The following CLHC1 variants were observed in gnomAD, a reference collection of about 807,000 sequenced individuals.
The protein encoded by CLHC1 is clathrin heavy chain linker domain-containing protein 1.
A neutral mutation model predicts 69.5 loss-of-function variants in CLHC1; 72 were observed. The observed-to-expected ratio is 1.04, with a 90% CI of 0.86 to 1.26. The LOEUF is 1.26. Ranked by LOEUF, CLHC1 falls within the 50% of genes most tolerant of loss-of-function variation. CLHC1 has a pLI of 0.00. For synonymous variants in CLHC1, 223 were observed against 224.3 expected (o/e 0.99, Z 0.05); for missense variants, 790 against 679.3 (o/e 1.16, Z -1.81).
At chr2:55,191,073 T>G (rs536582280) in intron 9 of CLHC1, among the ~76,000 whole-genome samples, 3 of 152,194 alleles carry the variant, frequency 2.0e-5, no homozygotes, top group Non-Finnish European at 4.4e-5. Context: ...TGAAACAAAA[T>G]CCTTTAACTA....
intron 9 of CLHC1, among the ~76,000 whole-genome samples, chr2:55,205,894 C>CA (rs5831343): frequency 0.43 from 61,159 of 142,674 alleles, 12,782 homozygotes; most frequent in African/African-American, 0.53. Flanking sequence ...AACTCTGTCT[C>CA]AAAAAAAAAA....
rs373193947 is a variant in CLHC1, at chr2:55,208,715, A to C, written c.815-5T>G. The stretch of plus-strand genomic sequence containing the variant: ...CTTCAACAATGCCTTGGTCACCTGT[A>C]AATATTGAAAGTACTACTGGAAGAT... On this transcript the variant is annotated splice_polypyrimidine_tract_variant and splice_region_variant and intron_variant, in intron 7 of 12. Transcript: ENST00000401408. The C allele has an allele frequency of 6.3e-6, 10 of 1,590,286 alleles. No homozygotes were observed. In the African/African-American group the frequency reaches 1.1e-4, roughly 17 times the overall value.
chr2:55,229,329 C>T (rs1675037355), intron 1 of CLHC1, among the ~76,000 whole-genome samples: 1 of 151,988 alleles, frequency 6.6e-6, no homozygotes. Context: ...AAAGAGCTTA[C>T]TGATAAGGTG....
chr2:55,201,045 A>G (rs1167503418), intron 9 of CLHC1, among the ~76,000 whole-genome samples: 1 of 152,066 alleles, frequency 6.6e-6, no homozygotes, highest in Non-Finnish European at 1.5e-5. Context: ...TACTAAGAAA[A>G]AAGTTTATAG....
At chr2:55,188,700 C>T (rs1207661466) in intron 9 of CLHC1, among the ~76,000 whole-genome samples, 2 of 151,884 alleles carry the variant, frequency 1.3e-5, no homozygotes, top group Admixed American at 1.3e-4. Context: ...TGTCAATCCA[C>T]CGCAGAACAG....
In CLHC1 at chr2:55,177,767, G is replaced by C. The variant is rs772653130; in HGVS notation, c.1399C>G (p.Leu467Val). The change falls in exon 12 of 13, where the codon CTA (leucine) becomes GTA (valine). Residue 467 changes from leucine (L) to valine (V), a missense_variant. Coordinates refer to ENST00000401408, the MANE Select transcript of CLHC1 (RefSeq NM_152385.4). ...KDFTTDDLLQLLMSCPQVELI... is the reference protein window; with the variant it reads ...KDFTTDDLLQVLMSCPQVELI... ...TCAACTTGGGGACATGACATTAATA[G>C]CTGCAACAGGTCATCTGAAGGCAAA... 1 of 1,605,614 alleles carries C rather than the reference G, an allele frequency of 6.2e-7. No homozygotes were observed. The highest frequency in any genetic ancestry group is 1.7e-5 in the Admixed American group (1 of 58,004).
At chr2:55,176,861 A>G (rs1669434677) in intron 12 of CLHC1, among the ~76,000 whole-genome samples, 1 of 152,222 alleles carries the variant, frequency 6.6e-6, no homozygotes, top group South Asian at 2.1e-4. Flanking sequence ...AAAAGAAAAT[A>G]AAAGTGAGTT....
intron 8 of CLHC1, 92 bp from the exon 9 acceptor site, chr2:55,206,468 G>A (rs1023501301): frequency 3.9e-5 from 28 of 708,864 alleles, no homozygotes; most frequent in Admixed American, 2.3e-4. Context: ...TAAATATAGC[G>A]GCATAACGAT....
intron 9 of CLHC1, among the ~76,000 whole-genome samples, chr2:55,189,595 A>G (rs1303109591): frequency 1.3e-5 from 2 of 152,142 alleles, no homozygotes; most frequent in Non-Finnish European, 2.9e-5. Flanking sequence ...GAGTTCCTGA[A>G]TTGAGGACAC....
At chr2:55,226,605 A>G (rs894121981) in intron 2 of CLHC1, among the ~76,000 whole-genome samples, 5 of 152,092 alleles carry the variant, frequency 3.3e-5, no homozygotes, top group Admixed American at 2.0e-4. Context: ...TGTTCCATTA[A>G]TTTATTCCCC....
chr2:55,220,284 G>A (rs955233023), intron 3 of CLHC1, among the ~76,000 whole-genome samples: 1 of 152,106 alleles, frequency 6.6e-6, no homozygotes, highest in African/African-American at 2.4e-5. Context: ...TGCCCAACTA[G>A]TTCCTTTTAA....
chr2:55,186,202 C>T (rs1670397702), intron 9 of CLHC1, among the ~76,000 whole-genome samples: 1 of 152,160 alleles, frequency 6.6e-6, no homozygotes, highest in South Asian at 2.1e-4. Context: ...TAACAAAGAT[C>T]AGCTTCAGGC....
chr2:55,227,372 A>G (rs1233351090), intron 2 of CLHC1, among the ~76,000 whole-genome samples: 1 of 151,742 alleles, frequency 6.6e-6, no homozygotes, highest in Middle Eastern at 3.2e-3. Context: ...CAAACTATAA[A>G]TAAATAATTT....
chr2:55,224,732 C>A (rs1674526111), intron 2 of CLHC1: 1 of 300,268 alleles, frequency 3.3e-6, no homozygotes, highest in East Asian at 8.7e-5. Flanking sequence ...TCAAGAGATT[C>A]TGCCTCCCTT....
At chr2:55,206,120 C>T in intron 9 of CLHC1, 150 bp downstream of exon 9, 2 of 574,092 alleles carry the variant, frequency 3.5e-6, no homozygotes, top group South Asian at 4.9e-5. Context: ...TAATCAAATC[C>T]CTAATGTTAC....
At chr2:55,190,592 T>C (rs1323432126) in intron 9 of CLHC1, among the ~76,000 whole-genome samples, 3 of 152,098 alleles carry the variant, frequency 2.0e-5, no homozygotes, top group Non-Finnish European at 4.4e-5. Flanking sequence ...AGATGAAAAC[T>C]ACAATGTCTG....
intron 9 of CLHC1, among the ~76,000 whole-genome samples, 198 bp downstream of exon 9, chr2:55,206,072 G>T (rs1458046965): frequency 6.6e-6 from 1 of 152,138 alleles, no homozygotes; most frequent in Non-Finnish European, 1.5e-5. Flanking sequence ...ATACTTTTCT[G>T]TATACTTAAA....
At chr2:55,226,515 T>C (rs916940591) in intron 2 of CLHC1, among the ~76,000 whole-genome samples, 1 of 152,256 alleles carries the variant, frequency 6.6e-6, no homozygotes, top group African/African-American at 2.4e-5. Context: ...TTTCACTTAA[T>C]ATTAAAAGCA....
chr2:55,201,316 T>C (rs1017647242), intron 9 of CLHC1, among the ~76,000 whole-genome samples: 5 of 150,770 alleles, frequency 3.3e-5, no homozygotes, highest in African/African-American at 1.2e-4. Flanking sequence ...GTAAATAAAA[T>C]CAGAGATGAA....
Sources: allele counts gnomAD v4.1 joint callset (sites outside exome capture counted in the v4.1 genomes callset), GRCh38; gene constraint gnomAD v4.1.1; transcripts MANE v1.5; gene names NCBI Gene and HGNC (gene_info 2026-07-23, HGNC 2026-07-21).